The following PAN3 variants were observed in gnomAD, a reference collection of about 807,000 sequenced individuals.
PAN3 encodes poly(A) specific ribonuclease subunit PAN3, also known as PAN2-PAN3 deadenylation complex subunit PAN3.
A neutral mutation model predicts 96.2 loss-of-function variants in PAN3; 19 were observed. That is an observed-to-expected ratio of 0.20 (90% CI 0.14 to 0.29). The LOEUF (loss-of-function observed/expected upper bound fraction) is 0.29. PAN3 is among the 10% of genes least tolerant of loss of function. PAN3 has a pLI of 1.00. For missense variants in PAN3, 882 were observed against 1,108.1 expected (o/e 0.80, Z 2.90); for synonymous variants, 433 against 406.6 (o/e 1.06, Z -0.78).
At chr13:28,168,660 A>G (rs1195691174) in intron 1 of PAN3, among the ~76,000 whole-genome samples, 1 of 152,120 alleles carries the variant, frequency 6.6e-6, no homozygotes, top group Non-Finnish European at 1.5e-5. Context: ...CGGAGGTTGC[A>G]GTGAGCTGAG....
intron 15 of PAN3, among the ~76,000 whole-genome samples, chr13:28,279,342 A>G (rs1451848373): frequency 6.6e-6 from 1 of 152,244 alleles, no homozygotes; most frequent in Admixed American, 6.5e-5. Flanking sequence ...AAAAAGGCTC[A>G]TTCAGTTTAG....
At chr13:28,279,450 A>G (rs1412026326) in intron 15 of PAN3, among the ~76,000 whole-genome samples, 5 of 152,088 alleles carry the variant, frequency 3.3e-5, no homozygotes, top group Non-Finnish European at 5.9e-5. Flanking sequence ...GTCCTCTCAA[A>G]AAAGTTTCTA....
intron 4 of PAN3, among the ~76,000 whole-genome samples, chr13:28,183,077 A>G (rs1046511513): frequency 6.6e-6 from 1 of 152,224 alleles, no homozygotes; most frequent in Non-Finnish European, 1.5e-5. Flanking sequence ...TGAGTATAGC[A>G]TAGACAATTT....
rs866504294 is a variant in PAN3, at chr13:28,144,723, T to C, written c.430+5636T>C. On this transcript the variant is annotated intron_variant, in intron 1 of 18. Transcript: ENST00000380958. ...AAAGCAAACCAAAACATCATCTTTT[T>C]TTTTTTTTTTTTTTTTCCTCAGAGC... Among the ~76,000 whole-genome samples the C allele has an allele frequency of 1.6e-3, 214 of 131,240 alleles. 1 individual carries two copies. The highest frequency in any genetic ancestry group is 5.4e-3 in the African/African-American group (206 of 38,286). The allele number at this position is 131,240 out of a possible 152,430, so 86.1% of individuals were successfully genotyped here. A position where few individuals can be genotyped will look rare whatever the true frequency, so the allele number is the denominator to read the frequency against.
At chr13:28,183,931 C>T (rs1876121641) in intron 4 of PAN3, among the ~76,000 whole-genome samples, 1 of 152,098 alleles carries the variant, frequency 6.6e-6, no homozygotes, top group African/African-American at 2.4e-5. Flanking sequence ...TTGAACTTTG[C>T]TTGGAAATTG....
Position 28,260,516 on chromosome 13 carries a change from G to A in PAN3, c.1318G>A (p.Ala440Thr), listed in dbSNP as rs765586023. 27 of 1,613,002 alleles carry A rather than the reference G, an allele frequency of 1.7e-5. No homozygotes were observed. The highest frequency in any genetic ancestry group is 2.2e-5 in the East Asian group (1 of 44,868). ...TGCTTATATGCAACCGAAAGCAAAC[G>A]CACCTTCCTTCTTCATGGCTGATGA... is the stretch of plus-strand genomic sequence containing the variant. ...HVAYMQPKAN[A>T]PSFFMADELR... The change falls in exon 8 of 19, where the codon GCA becomes ACA. Residue 440 changes from alanine (A) to threonine (T), a missense_variant. Ala to Thr is a moderately conservative substitution (Grantham distance 58, BLOSUM62 0). This residue lies in a region of PAN3 where 364 missense variants were observed against 513.6 expected (regional missense o/e 0.71). Coordinates refer to ENST00000380958, the MANE Select transcript of PAN3 (RefSeq NM_175854.8).
At chr13:28,286,232 C>CA (rs1227693243) in intron 17 of PAN3, among the ~76,000 whole-genome samples, 4 of 152,174 alleles carry the variant, frequency 2.6e-5, no homozygotes, top group African/African-American at 4.8e-5. Context: ...ATAAGCCTGA[C>CA]AGCCAGGGTT....
Position 28,138,753 on chromosome 13 carries a change from G to A in PAN3, c.96G>A (p.Gly32=). 4 of 1,336,436 alleles carry A rather than the reference G, an allele frequency of 3.0e-6. No homozygotes were observed. Among genetic ancestry groups the A allele is most frequent in the Non-Finnish European group, 2.9e-6 (3 of 1,045,720 alleles). The allele number at this position is 1,336,436 out of a possible 1,614,324, so 82.8% of individuals were successfully genotyped here. A position where few individuals can be genotyped will look rare whatever the true frequency, so the allele number is the denominator to read the frequency against. The stretch of plus-strand genomic sequence containing the variant: ...CGGTGGCGGTGGTGGCCCCGCCGGG[G>A]GTCGGGGGTGTCCCCGGCGGGGCGG... ...AAAVAVVAPP[G]VGGVPGGAAV... The change falls in exon 1 of 19, where the codon GGG becomes GGA. Residue 32 remains glycine (G), a synonymous_variant. Coordinates refer to ENST00000380958, the MANE Select transcript of PAN3 (RefSeq NM_175854.8).
chr13:28,148,295 T>A (rs935467664), intron 1 of PAN3, among the ~76,000 whole-genome samples: 6 of 151,936 alleles, frequency 3.9e-5, no homozygotes, highest in African/African-American at 1.5e-4. Flanking sequence ...ATATATATAT[T>A]TTTTAGAGAT....
At chr13:28,191,356 T>A (rs1368519780) in intron 4 of PAN3, among the ~76,000 whole-genome samples, 1 of 152,230 alleles carries the variant, frequency 6.6e-6, no homozygotes, top group Non-Finnish European at 1.5e-5. Context: ...CTCAAGTTCA[T>A]ATCCTTCTTT....
rs1158467405 is a variant in PAN3 at position 28,167,082 on chromosome 13, A to ATT, written c.431-7169_431-7168dup. On this transcript the variant is annotated intron_variant, in intron 1 of 18. Transcript: ENST00000380958. ...CCTTTTTATTTTATTTTTTATCTTA[A>ATT]TTTTTTTTTTTTTTTTTTTTTTAGA... Among the ~76,000 whole-genome samples, 570 of 118,308 alleles carry ATT rather than the reference A, an allele frequency of 4.8e-3. 5 individuals are homozygous for ATT. The highest frequency in any genetic ancestry group is 0.01 in the African/African-American group (318 of 31,114). 77.6% of individuals were successfully genotyped at this position (118,308 alleles called of 152,430 possible).
intron 1 of PAN3, among the ~76,000 whole-genome samples, chr13:28,173,812 ACCTCTGC>A (rs1350759071): frequency 6.6e-6 from 1 of 152,162 alleles, no homozygotes; most frequent in Non-Finnish European, 1.5e-5. Context: ...TCCTATTGCT[ACCTCTGC>A]AGATTTTTTT....
intron 16 of PAN3, 108 bp downstream of exon 16, chr13:28,280,649 C>G: frequency 9.6e-7 from 1 of 1,037,326 alleles, no homozygotes; most frequent in Non-Finnish European, 1.3e-6. Context: ...GTAACCTCTG[C>G]CTCCTGGGTT....
At chr13:28,154,427 T>C (rs549484919) in intron 1 of PAN3, among the ~76,000 whole-genome samples, 2 of 152,238 alleles carry the variant, frequency 1.3e-5, no homozygotes, top group Admixed American at 1.3e-4. Context: ...GTGGCTATCT[T>C]GGTGCATAGA....
At chr13:28,237,863 A>T (rs1245477565) in intron 6 of PAN3, among the ~76,000 whole-genome samples, 1 of 152,186 alleles carries the variant, frequency 6.6e-6, no homozygotes, top group East Asian at 1.9e-4. Context: ...AATAAAAAAC[A>T]TCTGTATGTA....
At chr13:28,167,359 C>A (rs926631613) in intron 1 of PAN3, among the ~76,000 whole-genome samples, 1 of 151,824 alleles carries the variant, frequency 6.6e-6, no homozygotes, top group Non-Finnish European at 1.5e-5. Flanking sequence ...GGGGTTTCAA[C>A]CATGTTGGCC....
intron 18 of PAN3, among the ~76,000 whole-genome samples, chr13:28,292,148 A>G (rs1211878036): frequency 2.0e-5 from 3 of 152,196 alleles, no homozygotes; most frequent in African/African-American, 7.2e-5. Flanking sequence ...TGGGTAAACT[A>G]TAATACAAAC....
chr13:28,155,109 C>T (rs1166903644), intron 1 of PAN3, among the ~76,000 whole-genome samples: 1 of 151,952 alleles, frequency 6.6e-6, no homozygotes, highest in Admixed American at 6.6e-5. Context: ...AGCCACCGCG[C>T]ACGGCGACTT....
intron 18 of PAN3, among the ~76,000 whole-genome samples, chr13:28,289,636 C>CT (rs1329114370): frequency 6.6e-6 from 1 of 152,218 alleles, no homozygotes. Flanking sequence ...AATCCCAGCA[C>CT]TTTGGGAGGC....
Sources: gnomAD v4.1 joint callset for allele counts (sites outside exome capture counted in the v4.1 genomes callset) on GRCh38, gnomAD v4.1.1 for gene constraint, gnomAD v4.1.1 regional missense constraint, MANE v1.5 for transcripts, NCBI Gene and HGNC (gene_info 2026-07-23, HGNC 2026-07-21) for gene names.